FSAF1: variants seen among roughly 807,000 people sequenced by gnomAD.
FSAF1 encodes 40S small subunit processome assembly factor 1.
the FSAF1 span, chr1:231,224,880 C>A: frequency 5.9e-6 from 1 of 169,598 alleles, no homozygotes; most frequent in Non-Finnish European, 1.3e-5. Flanking sequence ...TACAGCTGTA[C>A]ACCAATACCT....
the FSAF1 span, among the ~76,000 whole-genome samples, chr1:231,232,215 C>A: frequency 6.6e-6 from 1 of 152,170 alleles, no homozygotes; most frequent in Admixed American, 6.5e-5. Context: ...TTTCTTTCCC[C>A]CCATATTCTC....
chr1:231,224,455 C>A, the FSAF1 span: 2 of 1,566,404 alleles, frequency 1.3e-6, no homozygotes, highest in South Asian at 2.4e-5. Context: ...AATAGTCAAG[C>A]TTACCAACAA....
the FSAF1 span, chr1:231,225,451 GACCTGATAAAATCACTC>G: frequency 6.2e-7 from 1 of 1,610,638 alleles, no homozygotes; most frequent in Non-Finnish European, 8.5e-7. Context: ...TCAACCCCAG[GACCTGATAAAATCACTC>G]ACCTGTCCTC....
the FSAF1 span, among the ~76,000 whole-genome samples, chr1:231,231,659 G>A: frequency 6.6e-6 from 1 of 152,088 alleles, no homozygotes; most frequent in Admixed American, 6.6e-5. Flanking sequence ...AATTTAAAGA[G>A]GATTTCAGCA....
At chr1:231,228,729 G>A in the FSAF1 span, among the ~76,000 whole-genome samples, 2 of 152,112 alleles carry the variant, frequency 1.3e-5, no homozygotes, top group South Asian at 4.1e-4. Context: ...GCTCACACCT[G>A]TAATCCCAGC....
the FSAF1 span, among the ~76,000 whole-genome samples, chr1:231,231,557 T>C: frequency 6.6e-6 from 1 of 152,184 alleles, no homozygotes; most frequent in East Asian, 1.9e-4. Flanking sequence ...TGGAGTGCAG[T>C]GGCGCGAGGC....
At chr1:231,239,869 T>C in the FSAF1 span, among the ~76,000 whole-genome samples, 1 of 152,248 alleles carries the variant, frequency 6.6e-6, no homozygotes, top group Non-Finnish European at 1.5e-5. Context: ...TAAAAATGAA[T>C]AGACACATTC....
the FSAF1 span, among the ~76,000 whole-genome samples, chr1:231,232,146 T>C: frequency 2.0e-5 from 3 of 152,234 alleles, no homozygotes; most frequent in Admixed American, 2.0e-4. Flanking sequence ...TGAGAATCAC[T>C]TCAGTACATT....
the FSAF1 span, chr1:231,229,229 T>A: frequency 6.6e-7 from 1 of 1,503,800 alleles, no homozygotes; most frequent in Non-Finnish European, 9.2e-7. Flanking sequence ...AAAATTCTTA[T>A]TTAGATCATC....
chr1:231,239,062 C>T, the FSAF1 span: 2 of 1,614,176 alleles, frequency 1.2e-6, no homozygotes, highest in East Asian at 2.2e-5. Context: ...CTTCCTCTGG[C>T]CTCTTATGAG....
chr1:231,225,445 C>T, the FSAF1 span: 11 of 1,608,082 alleles, frequency 6.8e-6, no homozygotes, highest in Non-Finnish European at 9.4e-6. Context: ...GATTGTTCAA[C>T]CCCAGGACCT....
chr1:231,240,058 G>T, the FSAF1 span, among the ~76,000 whole-genome samples: 73 of 152,298 alleles, frequency 4.8e-4, no homozygotes, highest in Non-Finnish European at 1.5e-4. The surrounding 1 kb of genome is among the most constrained non-coding windows in gnomAD (Gnocchi z 4.1). Flanking sequence ...GGGGTCTGGG[G>T]CTAGAATCAG....
the FSAF1 span, chr1:231,226,663 C>A: frequency 7.5e-7 from 1 of 1,337,330 alleles, no homozygotes; most frequent in Non-Finnish European, 1.1e-6. Flanking sequence ...CAAGCAGCGG[C>A]TTCCGGCATT....
the FSAF1 span, among the ~76,000 whole-genome samples, chr1:231,231,983 A>C: frequency 6.6e-6 from 1 of 152,142 alleles, no homozygotes; most frequent in East Asian, 1.9e-4. Flanking sequence ...GTAGCTATTG[A>C]TGGCTTTTTG....
chr1:231,233,559 A>G, the FSAF1 span, among the ~76,000 whole-genome samples: 2 of 150,610 alleles, frequency 1.3e-5, no homozygotes, highest in Non-Finnish European at 3.0e-5. Flanking sequence ...TGAACAAAAA[A>G]TTTTTTTTTT....
At chr1:231,240,120 G>C in the FSAF1 span, among the ~76,000 whole-genome samples, 1 of 152,172 alleles carries the variant, frequency 6.6e-6, no homozygotes, top group African/African-American at 2.4e-5. This position sits in a 1 kb window ranked among gnomAD's most constrained non-coding sequence, Gnocchi z 4.1. Context: ...CAGGTTTCAT[G>C]AACTTCTAGT....
the FSAF1 span, among the ~76,000 whole-genome samples, chr1:231,231,706 C>T: frequency 5.3e-5 from 8 of 152,136 alleles, no homozygotes; most frequent in Non-Finnish European, 1.0e-4. Flanking sequence ...ATGATAGCTA[C>T]TATGAGGCTG....
At chr1:231,239,057 T>C in the FSAF1 span, 2 of 1,614,196 alleles carry the variant, frequency 1.2e-6, no homozygotes, top group African/African-American at 1.3e-5. Flanking sequence ...GCGCTCTTCC[T>C]CTGGCCTCTT....
the FSAF1 span, chr1:231,226,501 CA>C: frequency 8.7e-6 from 5 of 574,570 alleles, no homozygotes; most frequent in Non-Finnish European, 1.2e-5. Flanking sequence ...TCCTTTACAG[CA>C]ACAAAAACGG....
Sources: gnomAD v4.1 joint callset for allele counts (sites outside exome capture counted in the v4.1 genomes callset) on GRCh38, gnomAD v4.1.1 for gene constraint, Gnocchi (gnomAD v3.1) non-coding constraint, MANE v1.5 for transcripts, NCBI Gene and HGNC (gene_info 2026-07-23, HGNC 2026-07-21) for gene names.